Variants in GFPT1 observed in about 807,000 individuals in gnomAD.
The protein encoded by GFPT1 is glutamine--fructose-6-phosphate transaminase 1, also known as glutamine--fructose-6-phosphate aminotransferase [isomerizing] 1.
In GFPT1, 40 loss-of-function variants were observed where a neutral mutation model predicts 92.0. The observed-to-expected ratio is 0.43, with a 90% CI of 0.34 to 0.57. GFPT1 has a LOEUF of 0.57. Among genes scored for constraint, GFPT1 ranks in the 20% least tolerant of loss-of-function variants. GFPT1 has a pLI of 0.02. For synonymous variants in GFPT1, 269 were observed against 280.6 expected, an observed-to-expected ratio of 0.96 and a Z score of 0.41; for missense variants, 448 against 869.1, an observed-to-expected ratio of 0.52 and a Z score of 6.09.
In GFPT1 at chr2:69,322,638, A is replaced by C. The variant is rs1307614818; in HGVS notation, c.*3551T>G. 1 of 152,224 alleles carries C rather than the reference A, an allele frequency of 6.6e-6. No individual in the cohort carries two copies. Among genetic ancestry groups the C allele is most frequent in the Non-Finnish European group, 1.5e-5 (1 of 68,042 alleles). 9.4% of individuals were successfully genotyped at this position (152,224 alleles called of 1,614,324 possible). A position where few individuals can be genotyped will look rare whatever the true frequency, so the allele number is the denominator to read the frequency against. On this transcript the variant is annotated 3_prime_UTR_variant, in exon 20 of 20. Coordinates refer to ENST00000357308, the MANE Select transcript of GFPT1 (RefSeq NM_001244710.2). The stretch of plus-strand genomic sequence containing the variant: ...TCATCTCAGTAACTACCTCCTATGA[A>C]ACCTAAGAGAGAAAACCTGTAATAG...
chr2:69,337,035 AT>A (rs1670817368), intron 15 of GFPT1, among the ~76,000 whole-genome samples: 1 of 150,782 alleles, frequency 6.6e-6, no homozygotes, highest in Non-Finnish European at 1.5e-5. Flanking sequence ...TCATTAAAAA[AT>A]TTTTTTTAAT....
chr2:69,386,234 A>C (rs527439888), intron 1 of GFPT1, among the ~76,000 whole-genome samples: 3 of 152,260 alleles, frequency 2.0e-5, no homozygotes, highest in Non-Finnish European at 4.4e-5. Flanking sequence ...ATGGAATAAA[A>C]GGGCCTAACC....
intron 15 of GFPT1, among the ~76,000 whole-genome samples, chr2:69,337,452 T>A (rs913627824): frequency 3.9e-5 from 6 of 152,186 alleles, no homozygotes; most frequent in African/African-American, 1.2e-4. Context: ...TTAGAAACCA[T>A]AAATAGGTAA....
rs1367758852 is a variant in GFPT1, at chr2:69,328,361, C to T, written c.1803G>A (p.Val601=). Residue 601 remains valine, a synonymous_variant, in exon 18 of 20, where the codon GTG becomes GTA. Coordinates refer to ENST00000357308, the MANE Select transcript of GFPT1 (RefSeq NM_001244710.2). ...GELKHGPLAL[V]DKLMPVIMII... is the part of the protein sequence containing the mutation. ...TCATGATCACAGGCATCAATTTATC[C>T]ACCAAAGCCAGAGGGCCATGTTTCA... The T allele has an allele frequency of 6.2e-7, 1 of 1,613,068 alleles. No homozygotes were observed.
intron 10 of GFPT1, among the ~76,000 whole-genome samples, chr2:69,349,242 C>T (rs896448030): frequency 6.6e-6 from 1 of 152,134 alleles, no homozygotes; most frequent in Non-Finnish European, 1.5e-5. Flanking sequence ...TATCTCCTGA[C>T]GCTAGCATAT....
At chr2:69,333,482 G>A (rs1670720698) in intron 15 of GFPT1, among the ~76,000 whole-genome samples, 1 of 152,130 alleles carries the variant, frequency 6.6e-6, no homozygotes, top group African/African-American at 2.4e-5. Context: ...CAATTATGAG[G>A]AAAAATAAGC....
intron 15 of GFPT1, among the ~76,000 whole-genome samples, chr2:69,332,996 T>G (rs1670701155): frequency 1.3e-5 from 2 of 152,144 alleles, no homozygotes; most frequent in Non-Finnish European, 2.9e-5. Flanking sequence ...CACATGGTCC[T>G]CCACAACTGC....
At chr2:69,340,122 T>C (rs1283736326) in intron 13 of GFPT1, among the ~76,000 whole-genome samples, 3 of 150,204 alleles carry the variant, frequency 2.0e-5, no homozygotes, top group Non-Finnish European at 4.4e-5. Flanking sequence ...TAATAGTTTA[T>C]TATTTTAGTT....
At chr2:69,374,376 C>T (rs550600708) in intron 1 of GFPT1, among the ~76,000 whole-genome samples, 5 of 151,236 alleles carry the variant, frequency 3.3e-5, no homozygotes, top group African/African-American at 4.9e-5. Context: ...TCCAGCAGCA[C>T]GATCTCGGCT....
chr2:69,380,488 G>A (rs1671983265), intron 1 of GFPT1, among the ~76,000 whole-genome samples: 1 of 152,032 alleles, frequency 6.6e-6, no homozygotes, highest in African/African-American at 2.4e-5. Context: ...CCACTAGAAG[G>A]GGCTCCATGA....
At chr2:69,372,087 C>G (rs1383732231) in intron 2 of GFPT1, among the ~76,000 whole-genome samples, 1 of 150,138 alleles carries the variant, frequency 6.7e-6, no homozygotes, top group Non-Finnish European at 1.5e-5. Context: ...GTAATCCCAG[C>G]TACTCAGGAG....
intron 4 of GFPT1, among the ~76,000 whole-genome samples, chr2:69,361,200 C>G (rs926309735): frequency 5.9e-5 from 9 of 151,892 alleles, no homozygotes; most frequent in Admixed American, 1.3e-4. Flanking sequence ...GTAATCCCAG[C>G]ATTCTGGGGG....
intron 1 of GFPT1, among the ~76,000 whole-genome samples, chr2:69,379,675 CCA>C (rs1184647218): frequency 3.3e-5 from 5 of 151,672 alleles, no homozygotes; most frequent in African/African-American, 1.2e-4. Flanking sequence ...GTAGCTGGGA[CCA>C]CAGGCACATG....
rs188286035 is a variant in GFPT1 at position 69,349,867 on chromosome 2, T to C, written c.845+211A>G. On this transcript the variant is annotated intron_variant, in intron 10 of 19. Coordinates refer to ENST00000357308, the MANE Select transcript of GFPT1 (RefSeq NM_001244710.2). ...ATACACTGGAACAAGTCTCAAGCAGTATATGTGTTCTTAGTAAACTGACCC... is the reference window on the plus strand; with the variant it reads ...ATACACTGGAACAAGTCTCAAGCAGCATATGTGTTCTTAGTAAACTGACCC... 2.4e-4 allele frequency among the ~76,000 whole-genome samples: 36 copies of C among 152,340 alleles called. 2 individuals carry two copies. The East Asian group carries it at 5.6e-3, about 24-fold the overall frequency.
intron 1 of GFPT1, among the ~76,000 whole-genome samples, chr2:69,375,805 G>C (rs1671855552): frequency 1.3e-5 from 2 of 152,174 alleles, no homozygotes; most frequent in Non-Finnish European, 2.9e-5. Flanking sequence ...CCCACAAATA[G>C]CATTCCCAAC....
intron 5 of GFPT1, among the ~76,000 whole-genome samples, chr2:69,358,732 T>A (rs1416696836): frequency 6.6e-6 from 1 of 152,186 alleles, no homozygotes; most frequent in Non-Finnish European, 1.5e-5. Context: ...AAATAAAATT[T>A]AAAATTCAGT....
chr2:69,351,553 GATC>G (rs563384176), intron 9 of GFPT1, among the ~76,000 whole-genome samples: 163 of 152,226 alleles, frequency 1.1e-3, no homozygotes, highest in Middle Eastern at 3.4e-3. Context: ...ATCCTGAGCT[GATC>G]ATTATACATT....
chr2:69,339,144 G>A (rs1456422771), intron 13 of GFPT1, among the ~76,000 whole-genome samples: 1 of 152,196 alleles, frequency 6.6e-6, no homozygotes, highest in Non-Finnish European at 1.5e-5. Flanking sequence ...AGTGGAAAGA[G>A]CATGGTTCTG....
intron 13 of GFPT1, among the ~76,000 whole-genome samples, chr2:69,340,140 CTTTTTT>C (rs139786418): frequency 1.7e-4 from 17 of 99,084 alleles, no homozygotes; most frequent in East Asian, 2.9e-4. Context: ...GTTGGGGCAA[CTTTTTT>C]TTTTTTTTTT....
Sources: gnomAD v4.1 joint callset for allele counts (sites outside exome capture counted in the v4.1 genomes callset) on GRCh38, gnomAD v4.1.1 for gene constraint, MANE v1.5 for transcripts, NCBI Gene and HGNC (gene_info 2026-07-23, HGNC 2026-07-21) for gene names.